RNF220: variants seen among roughly 807,000 people sequenced by gnomAD.
The protein encoded by RNF220 is E3 ubiquitin-protein ligase RNF220.
In RNF220, 7 loss-of-function variants were observed where a neutral mutation model predicts 67.1. The ratio of observed to expected loss-of-function variants is 0.10; its 90% confidence interval spans 0.06 to 0.20. RNF220 has a LOEUF of 0.20. RNF220 is among the 10% of genes least tolerant of loss of function. The pLI is 1.00. For missense variants in RNF220, 565 were observed against 740.3 expected, an observed-to-expected ratio of 0.76 and a Z score of 2.75; for synonymous variants, 270 against 283.2, an observed-to-expected ratio of 0.95 and a Z score of 0.47.
rs763573733 is a variant in RNF220, at chr1:44,626,278, G to T, written c.805-19G>T. On this transcript the variant is annotated intron_variant, in intron 4 of 14. Coordinates refer to ENST00000361799, the MANE Select transcript of RNF220 (RefSeq NM_018150.4). The stretch of plus-strand genomic sequence containing the variant: ...GGTCTCATTTGGCCTGAGGCCACAT[G>T]TCTTTTTTCTTCTTCCAGTCCCTCC... The T allele has an allele frequency of 1.9e-6, 3 of 1,603,270 alleles. No individual in the cohort carries two copies. The highest frequency in any genetic ancestry group is 4.5e-5 in the East Asian group (2 of 44,822).
At chr1:44,509,588 A>G (rs1658770031) in intron 2 of RNF220, among the ~76,000 whole-genome samples, 1 of 151,030 alleles carries the variant, frequency 6.6e-6, no homozygotes, top group African/African-American at 2.4e-5. Context: ...AAAAGAAAAG[A>G]AAAAGAAAAT....
chr1:44,545,183 C>G (rs1006859284), intron 2 of RNF220, among the ~76,000 whole-genome samples: 1 of 152,148 alleles, frequency 6.6e-6, no homozygotes, highest in Non-Finnish European at 1.5e-5. Flanking sequence ...TCAGGCCTCA[C>G]AGAAGAGCCA....
intron 2 of RNF220, among the ~76,000 whole-genome samples, chr1:44,472,738 C>T (rs1487117710): frequency 6.6e-6 from 1 of 152,154 alleles, no homozygotes; most frequent in Admixed American, 6.5e-5. Flanking sequence ...CTGTGTTGAA[C>T]TGAGGAGAGG....
intron 2 of RNF220, among the ~76,000 whole-genome samples, chr1:44,517,063 C>G (rs770112721): frequency 2.0e-5 from 3 of 152,168 alleles, no homozygotes; most frequent in Non-Finnish European, 1.5e-5. Context: ...CAGTCTACCT[C>G]TAAATCCTAT....
chr1:44,591,894 T>C (rs975082242), intron 2 of RNF220, among the ~76,000 whole-genome samples: 1 of 151,842 alleles, frequency 6.6e-6, no homozygotes, highest in African/African-American at 2.4e-5. Context: ...CAGGAAGCCC[T>C]CTCCACCTCC....
At chr1:44,451,206 A>G (rs578080592) in intron 2 of RNF220, among the ~76,000 whole-genome samples, 59 of 152,094 alleles carry the variant, frequency 3.9e-4, no homozygotes, top group Admixed American at 3.7e-3. Context: ...AAAAAAAAAA[A>G]AAGACTGTAC....
At chr1:44,418,938 A>G (rs1648909632) in intron 2 of RNF220, among the ~76,000 whole-genome samples, 1 of 152,200 alleles carries the variant, frequency 6.6e-6, no homozygotes, top group African/African-American at 2.4e-5. Context: ...CATGTGGTTA[A>G]TAAATATCGA....
At chr1:44,493,525 TAAATA>T (rs755569945) in intron 2 of RNF220, among the ~76,000 whole-genome samples, 5 of 135,964 alleles carry the variant, frequency 3.7e-5, no homozygotes, top group Non-Finnish European at 6.2e-5. Context: ...AAAAAATAAA[TAAATA>T]AAATAAATAA....
chr1:44,649,362 G>A lies in RNF220; in HGVS notation c.1446-299G>A, dbSNP rs1181988633. 8 of 439,652 alleles carry A rather than the reference G, an allele frequency of 1.8e-5. No individual in the cohort carries two copies. Among genetic ancestry groups the A allele is most frequent in the South Asian group, 4.7e-5 (2 of 42,948 alleles). 27.2% of individuals were successfully genotyped at this position (439,652 alleles called of 1,614,324 possible). On this transcript the variant is annotated intron_variant, in intron 12 of 14. Transcript: ENST00000361799. The surrounding 1 kb of genome is among the most constrained non-coding windows in gnomAD (Gnocchi z 5.9). Reference sequence around the variant, plus strand: ...ACTCATGGTGGTGAGGAGAGATGCCGGAGATACTAGGAGAGATGACAGATT... The same window carrying A: ...ACTCATGGTGGTGAGGAGAGATGCCAGAGATACTAGGAGAGATGACAGATT...
chr1:44,647,631 C>T (rs1046727287), intron 12 of RNF220, among the ~76,000 whole-genome samples: 2 of 152,120 alleles, frequency 1.3e-5, no homozygotes, highest in African/African-American at 4.8e-5. Flanking sequence ...AGGAGTCACG[C>T]TCTGTGTTGC....
In RNF220 at chr1:44,636,118, A is replaced by C; in HGVS notation, c.1082A>C (p.Gln361Pro). The change falls in exon 8 of 15, where the codon CAG (glutamine) becomes CCG (proline). Residue 361 changes from glutamine to proline, a missense_variant. Gln to Pro is a moderately conservative substitution (Grantham distance 76, BLOSUM62 -1). Coordinates refer to ENST00000361799, the MANE Select transcript of RNF220 (RefSeq NM_018150.4). ...TTTGAGGAGTATGAGTGGTGTGGAC[A>C]GAAGCGGATACGGGCCACCACTCTC... is the stretch of plus-strand genomic sequence containing the variant. The part of the protein sequence containing the change: ...NRFEEYEWCG[Q>P]KRIRATTLLE... 6.2e-7 allele frequency: 1 copy of C among 1,613,390 alleles called. No individual in the cohort carries two copies. Among genetic ancestry groups the C allele is most frequent in the Non-Finnish European group, 8.5e-7 (1 of 1,179,370 alleles).
chr1:44,467,790 CTGTCTTGGCTTTTGACA>C (rs1176656489), intron 2 of RNF220, among the ~76,000 whole-genome samples: 23 of 152,314 alleles, frequency 1.5e-4, no homozygotes, highest in African/African-American at 5.5e-4. Context: ...GGCTCTCAGC[CTGTCTTGGCTTTTGACA>C]TGCCGTCTTT....
chr1:44,494,743 C>CTTTT (rs1657175418), intron 2 of RNF220, among the ~76,000 whole-genome samples: 1 of 152,130 alleles, frequency 6.6e-6, no homozygotes, highest in Admixed American at 6.5e-5. Flanking sequence ...AAAAAGAAGA[C>CTTTT]TTTTGCTCTT....
chr1:44,413,527 G>A (rs1648209309), intron 2 of RNF220, among the ~76,000 whole-genome samples: 1 of 152,178 alleles, frequency 6.6e-6, no homozygotes, highest in Admixed American at 6.5e-5. Context: ...GGAACTTGTA[G>A]ACTAGGAGTG....
At chr1:44,531,584 T>A (rs1381940843) in intron 2 of RNF220, among the ~76,000 whole-genome samples, 1 of 152,232 alleles carries the variant, frequency 6.6e-6, no homozygotes, top group East Asian at 1.9e-4. Context: ...TGGCAGGTAG[T>A]GGGTGTTTGA....
intron 2 of RNF220, among the ~76,000 whole-genome samples, chr1:44,612,551 C>T (rs1362659894): frequency 6.6e-6 from 1 of 152,216 alleles, no homozygotes; most frequent in Admixed American, 6.5e-5. Context: ...TAATCATCCT[C>T]AGTCTGGTGT....
At chr1:44,524,245 A>ACTGC (rs1233750192) in intron 2 of RNF220, among the ~76,000 whole-genome samples, 3 of 151,956 alleles carry the variant, frequency 2.0e-5, no homozygotes, top group Non-Finnish European at 2.9e-5. Flanking sequence ...TCTCCTGCGA[A>ACTGC]CTGCCGCCGC....
Position 44,412,565 on chromosome 1 carries a change from A to G in RNF220, c.468A>G (p.Ser156=). The G allele has an allele frequency of 6.2e-7, 1 of 1,614,194 alleles. No individual in the cohort carries two copies. Among genetic ancestry groups the G allele is most frequent in the Non-Finnish European group, 8.5e-7 (1 of 1,180,006 alleles). Residue 156 remains serine (S), a synonymous_variant, in exon 2 of 15, where the codon TCA becomes TCG. Transcript: ENST00000361799. This position sits in a 1 kb window ranked among gnomAD's most constrained non-coding sequence, Gnocchi z 5.3. ...CAGAGTCTCCCCACTTGCGCTTCTC[A>G]GATGCAGATGGCAAGGAATATGACT... ...HDTESPHLRF[S]DADGKEYDFG...
At chr1:44,498,015 G>T (rs1386905575) in intron 2 of RNF220, among the ~76,000 whole-genome samples, 1 of 152,220 alleles carries the variant, frequency 6.6e-6, no homozygotes, top group African/African-American at 2.4e-5. Flanking sequence ...GGCCAAGTAG[G>T]CTGCTGGCTG....
Sources: allele counts gnomAD v4.1 joint callset (sites outside exome capture counted in the v4.1 genomes callset), GRCh38; gene constraint gnomAD v4.1.1; non-coding constraint Gnocchi (gnomAD v3.1); transcripts MANE v1.5; gene names NCBI Gene and HGNC (gene_info 2026-07-23, HGNC 2026-07-21).